Variants in SMC6 observed in about 807,000 individuals in gnomAD.
SMC6 encodes structural maintenance of chromosomes 6.
A neutral mutation model predicts 142.2 loss-of-function variants in SMC6; 79 were observed. That is an observed-to-expected ratio of 0.56 (90% CI 0.46 to 0.67). The LOEUF (loss-of-function observed/expected upper bound fraction) is 0.67, where lower values mean the gene tolerates loss of function less well. Ranked by LOEUF, SMC6 falls within the 30% of genes least tolerant of loss-of-function variation. SMC6 has a pLI of 0.00. For synonymous variants in SMC6, 411 were observed against 412.4 expected, an observed-to-expected ratio of 1.00 and a Z score of 0.04; for missense variants, 1,072 against 1,284.0, an observed-to-expected ratio of 0.83 and a Z score of 2.52.
intron 23 of SMC6, among the ~76,000 whole-genome samples, chr2:17,687,603 T>TA (rs1667517958): frequency 6.6e-6 from 1 of 152,076 alleles, no homozygotes; most frequent in South Asian, 2.1e-4. Context: ...ACATGAAAGA[T>TA]AGAAAATAAA....
At chr2:17,668,766 C>T (rs73921031) in intron 26 of SMC6, among the ~76,000 whole-genome samples, 2,827 of 152,106 alleles carry the variant, frequency 0.019, 89 homozygotes, top group African/African-American at 0.064. Flanking sequence ...CAGGCAGAGG[C>T]ACCATGTTTG....
At chr2:17,735,176 G>A (rs529012075) in intron 5 of SMC6, among the ~76,000 whole-genome samples, 22 of 152,246 alleles carry the variant, frequency 1.4e-4, no homozygotes, top group Non-Finnish European at 2.8e-4. Context: ...TACTAGCTCT[G>A]CAGTCTTCCC....
At chr2:17,675,525 G>A (rs12465142) in intron 25 of SMC6, among the ~76,000 whole-genome samples, 2 of 151,922 alleles carry the variant, frequency 1.3e-5, no homozygotes, top group Admixed American at 6.6e-5. Context: ...ATTTCTTGTA[G>A]GCCAAGCATA....
At chr2:17,707,072 G>A (rs1253136357) in intron 18 of SMC6, 147 bp downstream of exon 18, 3 of 501,316 alleles carry the variant, frequency 6.0e-6, no homozygotes, top group African/African-American at 2.0e-5. Flanking sequence ...CGAATTCTAT[G>A]ACTAGCTAAG....
chr2:17,719,820 A>C (rs944290746), intron 11 of SMC6, among the ~76,000 whole-genome samples: 1 of 152,200 alleles, frequency 6.6e-6, no homozygotes, highest in Non-Finnish European at 1.5e-5. Flanking sequence ...TTACATACTC[A>C]TATATTACCT....
chr2:17,723,474 A>G (rs930466865), intron 9 of SMC6, among the ~76,000 whole-genome samples: 1 of 152,230 alleles, frequency 6.6e-6, no homozygotes, highest in African/African-American at 2.4e-5. Context: ...GTTTTTTAAA[A>G]GCACACATGC....
intron 25 of SMC6, among the ~76,000 whole-genome samples, chr2:17,677,175 T>C (rs1327372961): frequency 2.0e-5 from 3 of 152,156 alleles, no homozygotes; most frequent in African/African-American, 7.2e-5. Context: ...TGATATTTTG[T>C]GTAAAAGAAC....
chr2:17,691,718 A>C (rs1667739695), intron 23 of SMC6, among the ~76,000 whole-genome samples: 1 of 152,042 alleles, frequency 6.6e-6, no homozygotes, highest in Non-Finnish European at 1.5e-5. Flanking sequence ...TGGCCAGGGC[A>C]ATCAGGCAGG....
At chr2:17,722,286 G>A (rs1045177224) in intron 9 of SMC6, among the ~76,000 whole-genome samples, 1 of 152,008 alleles carries the variant, frequency 6.6e-6, no homozygotes, top group African/African-American at 2.4e-5. Context: ...CAAGAGAGGT[G>A]GCCTCATATT....
At chr2:17,674,269 T>C (rs528527267) in intron 25 of SMC6, among the ~76,000 whole-genome samples, 1 of 152,344 alleles carries the variant, frequency 6.6e-6, no homozygotes, top group East Asian at 1.9e-4. Context: ...TGTTGTTTGA[T>C]TCAAAATTAT....
chr2:17,736,735 G>A (rs986186535), intron 5 of SMC6, among the ~76,000 whole-genome samples: 5 of 151,590 alleles, frequency 3.3e-5, no homozygotes, highest in South Asian at 2.1e-4. Context: ...TTAGCCAGGC[G>A]TTGTGGCATG....
intron 2 of SMC6, chr2:17,746,373 C>A (rs1235847819): frequency 6.5e-6 from 1 of 152,846 alleles, no homozygotes; most frequent in East Asian, 1.9e-4. Flanking sequence ...GACTACTAAA[C>A]TCACAAAAGG....
At chr2:17,746,185 T>C (rs1670737659) in intron 2 of SMC6, 1 of 360,930 alleles carries the variant, frequency 2.8e-6, no homozygotes, top group Non-Finnish European at 4.9e-6. Flanking sequence ...AAACAGAACA[T>C]AGCCCTACTG....
intron 4 of SMC6, chr2:17,740,857 C>CAA (rs199834952): frequency 4.6e-4 from 80 of 172,120 alleles, no homozygotes; most frequent in Non-Finnish European, 6.4e-4. Context: ...CTCAAAAAAA[C>CAA]AAAAAACAAA....
Position 17,718,008 on chromosome 2 carries a change from A to G in SMC6, c.1092+69T>C, listed in dbSNP as rs1669183568. The G allele has an allele frequency of 7.0e-6, 10 of 1,425,802 alleles. No individual in the cohort carries two copies. The East Asian group carries it at 2.1e-4, about 31-fold the overall frequency. The allele number at this position is 1,425,802 out of a possible 1,614,324, so 88.3% of individuals were successfully genotyped here. ...CAAAAAAAATAAAATATAATAAAAA[A>G]GGATAGAAGAACAGCCTTTATATTT... On this transcript the variant is annotated intron_variant, in intron 12 of 27. Coordinates refer to ENST00000448223, the MANE Select transcript of SMC6 (RefSeq NM_001142286.2).
At chr2:17,705,469 G>T (rs557028075) in intron 18 of SMC6, among the ~76,000 whole-genome samples, 1 of 151,828 alleles carries the variant, frequency 6.6e-6, no homozygotes, top group Non-Finnish European at 1.5e-5. Context: ...TCAGGTGGCT[G>T]AGGCACAGGA....
chr2:17,703,061 G>C, intron 19 of SMC6, 96 bp downstream of exon 19: 1 of 765,384 alleles, frequency 1.3e-6, no homozygotes, highest in Non-Finnish European at 2.0e-6. Context: ...CAAAAGGTTT[G>C]AGAATTGCTT....
intron 4 of SMC6, chr2:17,740,798 C>A (rs75354528): frequency 2.5e-6 from 1 of 404,068 alleles, no homozygotes; most frequent in Non-Finnish European, 4.9e-6. Flanking sequence ...TGCATTGAGC[C>A]GAGATCGCAC....
intron 20 of SMC6, among the ~76,000 whole-genome samples, chr2:17,701,207 C>T (rs568864996): frequency 4.9e-4 from 74 of 152,042 alleles, no homozygotes; most frequent in African/African-American, 1.3e-3. Context: ...TTCCATTTTG[C>T]GCACTGCTGT....
Sources: gnomAD v4.1 joint callset for allele counts (sites outside exome capture counted in the v4.1 genomes callset) on GRCh38, gnomAD v4.1.1 for gene constraint, MANE v1.5 for transcripts, NCBI Gene and HGNC (gene_info 2026-07-23, HGNC 2026-07-21) for gene names.